Variants in SBF2 observed in about 807,000 individuals in gnomAD.
The protein encoded by SBF2 is myotubularin-related protein 13.
SBF2 carries 112 observed loss-of-function variants against 225.2 expected under a neutral mutation model. The observed-to-expected ratio is 0.50, with a 90% CI of 0.43 to 0.58. The LOEUF (loss-of-function observed/expected upper bound fraction) is 0.58. SBF2 is among the 20% of genes least tolerant of loss of function. The pLI, the probability that SBF2 is intolerant of heterozygous loss-of-function variation, is 0.00. For synonymous variants in SBF2, 763 were observed against 773.3 expected, an observed-to-expected ratio of 0.99 and a Z score of 0.22; for missense variants, 1,996 against 2,206.2, an observed-to-expected ratio of 0.90 and a Z score of 1.91.
chr11:9,925,713 A>AT (rs1478927526), intron 16 of SBF2, among the ~76,000 whole-genome samples: 3 of 152,208 alleles, frequency 2.0e-5, no homozygotes, highest in Admixed American at 6.5e-5. Context: ...TCACATAAAG[A>AT]TTTTGGACTA....
intron 25 of SBF2, among the ~76,000 whole-genome samples, 179 bp downstream of exon 25, chr11:9,842,446 T>C (rs765551724): frequency 6.6e-6 from 1 of 152,210 alleles, no homozygotes; most frequent in Non-Finnish European, 1.5e-5. Context: ...AAATATTACC[T>C]GAACAATGGG....
chr11:9,922,188 T>G (rs1357326606), intron 16 of SBF2, among the ~76,000 whole-genome samples: 1 of 151,698 alleles, frequency 6.6e-6, no homozygotes, highest in African/African-American at 2.4e-5. Flanking sequence ...GGAGGCTGCA[T>G]GCAGTGAGCC....
intron 16 of SBF2, among the ~76,000 whole-genome samples, chr11:9,943,570 G>C (rs72855643): frequency 0.11 from 16,704 of 151,996 alleles, 1,048 homozygotes; most frequent in East Asian, 0.3. Context: ...AAGGGCAAAA[G>C]AAGCAAAAGG....
intron 28 of SBF2, among the ~76,000 whole-genome samples, chr11:9,821,883 C>T (rs1347385145): frequency 6.6e-6 from 1 of 152,172 alleles, no homozygotes; most frequent in African/African-American, 2.4e-5. Context: ...TACTGCGAGT[C>T]ATGATCAAAC....
upstream of SBF2, among the ~76,000 whole-genome samples, chr11:10,296,751 G>A (rs1447400529): frequency 1.3e-5 from 2 of 152,134 alleles, no homozygotes; most frequent in Non-Finnish European, 2.9e-5. Context: ...TCTTGGGATT[G>A]GAATTACTGG....
At chr11:9,795,697 T>C in intron 33 of SBF2, 134 bp downstream of exon 33, 1 of 1,097,214 alleles carries the variant, frequency 9.1e-7, no homozygotes, top group Non-Finnish European at 1.3e-6. Context: ...ACTTATCCAC[T>C]CCTCTACATT....
rs367827828 is a variant in SBF2 at position 9,786,056 on chromosome 11, C to T, written c.5038-738G>A. On this transcript the variant is annotated intron_variant, in intron 36 of 39. Transcript: ENST00000256190. ...TAATTTTTTGTATTTTTAGTAGAGA[C>T]AGAGTTTCACCATGCTGGCTATGCT... Among the ~76,000 whole-genome samples, 48 of 152,170 alleles carry T rather than the reference C, an allele frequency of 3.2e-4. No homozygotes were observed. In the South Asian group the frequency reaches 9.4e-3, roughly 30 times the overall value.
rs1028848877 is a variant in SBF2 at position 10,141,524 on chromosome 11, C to T, written c.141+52378G>A. ...TAATATGCATACTAGTCTGTATGAA[C>T]GCTAGAAATCATTTCTTTCAAAAGA... On this transcript the variant is annotated intron_variant, in intron 2 of 39. Coordinates refer to ENST00000256190, the MANE Select transcript of SBF2 (RefSeq NM_030962.4). Among the ~76,000 whole-genome samples, 10 of 152,122 alleles carry T rather than the reference C, an allele frequency of 6.6e-5. 1 individual carries two copies. The highest frequency in any genetic ancestry group is 9.7e-5 in the African/African-American group (4 of 41,436).
intron 21 of SBF2, among the ~76,000 whole-genome samples, chr11:9,852,406 G>A (rs946756858): frequency 6.6e-6 from 1 of 152,140 alleles, no homozygotes; most frequent in Non-Finnish European, 1.5e-5. Flanking sequence ...GGTTAGAAAT[G>A]TTCCTAATTT....
intron 17 of SBF2, among the ~76,000 whole-genome samples, chr11:9,885,268 A>C (rs553446130): frequency 1.3e-5 from 2 of 150,262 alleles, no homozygotes; most frequent in Admixed American, 6.6e-5. Flanking sequence ...AAAAAAAAAA[A>C]AAAAAAAACC....
At chr11:10,235,541 A>C (rs546755542) in intron 1 of SBF2, among the ~76,000 whole-genome samples, 4 of 152,106 alleles carry the variant, frequency 2.6e-5, no homozygotes, top group Admixed American at 2.0e-4. Context: ...AAAAAAAAAA[A>C]AACCAAAAAA....
chr11:10,029,796 G>A lies in SBF2; in HGVS notation c.482C>T (p.Ala161Val). The A allele has an allele frequency of 6.2e-7, 1 of 1,613,614 alleles. No homozygotes were observed. The highest frequency in any genetic ancestry group is 1.1e-5 in the South Asian group (1 of 91,074). ...CCCTCCAGCCGCTGGGACAAGGCAGGCACAAAGGTTTGCAATTAGACTTTC... is the reference window on the plus strand; with the variant it reads ...CCCTCCAGCCGCTGGGACAAGGCAGACACAAAGGTTTGCAATTAGACTTTC... The part of the protein sequence containing the change: ...SLESLIANLC[A>V]CLVPAAGGSQ... Residue 161 changes from alanine to valine, a missense_variant, in exon 5 of 40, where the codon GCC becomes GTC. Physicochemically the swap from Ala to Val is moderately conservative, Grantham distance 64. Transcript: ENST00000256190.
At chr11:10,233,543 C>A (rs1958941031) in intron 1 of SBF2, among the ~76,000 whole-genome samples, 1 of 149,790 alleles carries the variant, frequency 6.7e-6, no homozygotes, top group African/African-American at 2.5e-5. Context: ...TATATCCTAA[C>A]CAAATATATA....
chr11:10,015,747 T>C lies in SBF2; in HGVS notation c.619+12705A>G, dbSNP rs572747982. Among the ~76,000 whole-genome samples the C allele has an allele frequency of 2.0e-5, 3 of 152,198 alleles. No homozygotes were observed. The East Asian group carries it at 5.8e-4, about 29-fold the overall frequency. On this transcript the variant is annotated intron_variant, in intron 6 of 39. Coordinates refer to ENST00000256190, the MANE Select transcript of SBF2 (RefSeq NM_030962.4). Reference sequence around the variant, plus strand: ...GCCAAAGACAAATTTATGAAGAATCTGTATGTCATGTCAAGTCTAGTCTTT... The same window carrying C: ...GCCAAAGACAAATTTATGAAGAATCCGTATGTCATGTCAAGTCTAGTCTTT...
At chr11:9,926,928 A>G (rs2134243594) in intron 16 of SBF2, among the ~76,000 whole-genome samples, 1 of 152,242 alleles carries the variant, frequency 6.6e-6, no homozygotes, top group East Asian at 1.9e-4. Flanking sequence ...CATAAAAACA[A>G]CAGAGAGAAA....
At chr11:9,815,361 C>A (rs866961907) in intron 29 of SBF2, among the ~76,000 whole-genome samples, 12 of 147,144 alleles carry the variant, frequency 8.2e-5, no homozygotes, top group Middle Eastern at 7.7e-3. Flanking sequence ...GAGACTGGGG[C>A]AGAATTGCTT....
intron 2 of SBF2, among the ~76,000 whole-genome samples, chr11:10,079,051 GAAAA>G (rs1951251266): frequency 6.6e-6 from 1 of 150,614 alleles, no homozygotes; most frequent in Non-Finnish European, 1.5e-5. Flanking sequence ...TCCTGAAGAA[GAAAA>G]AAAGTTACCT....
intron 31 of SBF2, chr11:9,808,635 C>A (rs532556034): frequency 2.3e-6 from 1 of 432,578 alleles, no homozygotes; most frequent in Non-Finnish European, 4.3e-6. Context: ...ACGCCTCACA[C>A]TGCTGGTCAA....
chr11:9,808,381 T>C, intron 31 of SBF2, 196 bp from the exon 32 acceptor site: 1 of 618,106 alleles, frequency 1.6e-6, no homozygotes, highest in African/African-American at 1.8e-5. Flanking sequence ...TCAAATTCAT[T>C]TTGGCTACAA....
Sources: gnomAD v4.1 joint callset for allele counts (sites outside exome capture counted in the v4.1 genomes callset) on GRCh38, gnomAD v4.1.1 for gene constraint, MANE v1.5 for transcripts, NCBI Gene and HGNC (gene_info 2026-07-23, HGNC 2026-07-21) for gene names.